ZNF837: variants seen among roughly 807,000 people sequenced by gnomAD.
ZNF837 encodes the protein zinc finger protein 837.
For missense variants in ZNF837, 955 were observed against 801.7 expected (o/e 1.19, Z -2.31); for synonymous variants, 475 against 365.2 (o/e 1.30, Z -3.43).
chr19:58,375,312 A>ATATAT (rs1491369524), intron 1 of ZNF837, among the ~76,000 whole-genome samples: 3 of 38,730 alleles, frequency 7.7e-5, no homozygotes, highest in South Asian at 9.4e-4. Flanking sequence ...ATATATATAT[A>ATATAT]AAATTACATA....
intron 1 of ZNF837, among the ~76,000 whole-genome samples, chr19:58,376,328 G>A (rs1471355866): frequency 2.0e-5 from 3 of 151,892 alleles, no homozygotes; most frequent in Non-Finnish European, 2.9e-5. Flanking sequence ...CGAGGCGGGC[G>A]GATCACGAGG....
At chr19:58,375,929 A>AT (rs1409580611) in intron 1 of ZNF837, among the ~76,000 whole-genome samples, 1 of 149,940 alleles carries the variant, frequency 6.7e-6, no homozygotes, top group Non-Finnish European at 1.5e-5. Context: ...TTATTTATTT[A>AT]TTTTTTTGAC....
rs1016932944 is a variant in ZNF837, at chr19:58,368,673, C to T, written c.660G>A (p.Ala220=). The T allele has an allele frequency of 6.5e-7, 1 of 1,529,936 alleles. No individual in the cohort carries two copies. The highest frequency in any genetic ancestry group is 8.8e-7 in the Non-Finnish European group (1 of 1,142,822). 94.8% of individuals were successfully genotyped at this position (1,529,936 alleles called of 1,614,324 possible). A position where few individuals can be genotyped will look rare whatever the true frequency, so the allele number is the denominator to read the frequency against. ...ALRIPQERLQ[A]TEEPRPCARC... ...GGGCACACGGACGGGGCTCCTCCGT[C>T]GCCTGCAGCCTCTCCTGGGGGATCC... Residue 220 remains alanine (A), a synonymous_variant, in exon 3 of 3, where the codon GCG becomes GCA. Transcript: ENST00000597582.
In ZNF837 at chr19:58,368,321, G is replaced by A. The variant is rs1011059057; in HGVS notation, c.1012C>T (p.Arg338Trp). ...RGPVLARRAF[R>W]LGCPPCGDYS... ...TCCCCGCAGGGCGGGCACCCCAGCC[G>A]GAAGGCGCGCCGCGCCAGGACGGGG... Residue 338 changes from arginine to tryptophan, a missense_variant, in exon 3 of 3, where the codon CGG becomes TGG. Arg to Trp is a moderately radical substitution (Grantham distance 101). Transcript: ENST00000597582. The A allele has an allele frequency of 1.3e-6, 2 of 1,494,056 alleles. No individual in the cohort carries two copies. The highest frequency in any genetic ancestry group is 2.3e-4 in the Middle Eastern group (1 of 4,374). 92.5% of individuals were successfully genotyped at this position (1,494,056 alleles called of 1,614,324 possible). A position where few individuals can be genotyped will look rare whatever the true frequency, so the allele number is the denominator to read the frequency against.
At chr19:58,376,554 C>CAAAAAAAAA (rs59075587) in intron 1 of ZNF837, among the ~76,000 whole-genome samples, 41 of 67,796 alleles carry the variant, frequency 6.0e-4, no homozygotes, top group Admixed American at 1.0e-3. Context: ...GACTCTGTCT[C>CAAAAAAAAA]AAAAAAAAAA....
chr19:58,375,288 AT>A (rs1568568350), intron 1 of ZNF837, among the ~76,000 whole-genome samples: 17 of 66,146 alleles, frequency 2.6e-4, no homozygotes, highest in African/African-American at 7.7e-4. Context: ...ATATATATAT[AT>A]ATATATATAT....
intron 1 of ZNF837, among the ~76,000 whole-genome samples, chr19:58,376,885 G>A (rs1004058034): frequency 6.7e-6 from 1 of 149,708 alleles, no homozygotes; most frequent in South Asian, 2.1e-4. Context: ...TTAGAGACCA[G>A]CCTGGGCAGT....
At chr19:58,380,764 G>T (rs970676988) in intron 1 of ZNF837, among the ~76,000 whole-genome samples, 177 bp downstream of exon 1, 1 of 152,232 alleles carries the variant, frequency 6.6e-6, no homozygotes, top group South Asian at 2.1e-4. Flanking sequence ...AAGGTCGCGA[G>T]TGCTGTGTGG....
At position 58,368,967 on chromosome 19, in the gene ZNF837, C is replaced by T; in HGVS notation, c.366G>A (p.Gly122=). Residue 122 remains glycine (G), a synonymous_variant, in exon 3 of 3, where the codon GGG becomes GGA. Coordinates refer to ENST00000597582, the MANE Select transcript of ZNF837 (RefSeq NM_138466.2). ...CCAGGCAGGAGTTCCTGCTGCAGTCCCCGCCACGCGCTGGGCTCCTACAGG... is the reference window on the plus strand; with the variant it reads ...CCAGGCAGGAGTTCCTGCTGCAGTCTCCGCCACGCGCTGGGCTCCTACAGG... ...EGPCRSPARG[G]DCSRNSCLAW... The T allele has an allele frequency of 1.3e-6, 2 of 1,536,160 alleles. No homozygotes were observed. Among genetic ancestry groups the T allele is most frequent in the Admixed American group, 2.0e-5 (1 of 50,030 alleles).
intron 1 of ZNF837, among the ~76,000 whole-genome samples, chr19:58,374,687 C>T (rs565215483): frequency 2.2e-4 from 33 of 152,114 alleles, no homozygotes; most frequent in African/African-American, 5.8e-4. Flanking sequence ...TTGTAATCCC[C>T]GCACTTTGGG....
At chr19:58,370,157 G>T (rs1026437088) in intron 1 of ZNF837, among the ~76,000 whole-genome samples, 17 of 152,216 alleles carry the variant, frequency 1.1e-4, no homozygotes, top group Non-Finnish European at 2.4e-4. Flanking sequence ...TCTGGAGGTC[G>T]TAAGTCCTAA....
intron 1 of ZNF837, among the ~76,000 whole-genome samples, chr19:58,374,945 TTA>T (rs896052435): frequency 8.8e-6 from 1 of 113,746 alleles, no homozygotes; most frequent in Non-Finnish European, 1.9e-5. Context: ...AAAAAAAAAA[TTA>T]TATATATATA....
rs1448584334 is a variant in ZNF837, at chr19:58,369,892, C to T, written c.-103G>A. 2 of 152,280 alleles carry T rather than the reference C, an allele frequency of 1.3e-5. No individual in the cohort carries two copies. Among genetic ancestry groups the T allele is most frequent in the Non-Finnish European group, 2.9e-5 (2 of 68,090 alleles). The allele number at this position is 152,280 out of a possible 1,614,324, so 9.4% of individuals were successfully genotyped here. On this transcript the variant is annotated 5_prime_UTR_variant, in exon 2 of 3. Transcript: ENST00000597582. ...CTGGACTTCCCCTCCCCTCTTCAAC[C>T]AGGTAACGGTGGTGCTCTCAAGGCT...
Position 58,367,976 on chromosome 19 carries a change from C to A in ZNF837, c.1357G>T (p.Gly453Ter). 1.3e-6 allele frequency: 2 copies of A among 1,532,446 alleles called. No homozygotes were observed. The highest frequency in any genetic ancestry group is 1.4e-5 in the African/African-American group (1 of 72,920). The allele number at this position is 1,532,446 out of a possible 1,614,324, so 94.9% of individuals were successfully genotyped here. The change falls in exon 3 of 3, where the codon GGA becomes TGA. Residue 453 changes from glycine (G) to a stop codon, truncating the protein, a stop_gained. Coordinates refer to ENST00000597582, the MANE Select transcript of ZNF837 (RefSeq NM_138466.2). LOFTEE classifies it low-confidence loss of function (END_TRUNC). ...TCGGAGCAGCCGCGGAAGGTCTTTC[C>A]GCACTCGGAGCAGCCATAGGGCCGC... The part of the protein sequence containing the change: ...GERPYGCSEC[G>*]KTFRGCSELR...
chr19:58,376,281 G>A (rs920900860), intron 1 of ZNF837, among the ~76,000 whole-genome samples: 35 of 151,980 alleles, frequency 2.3e-4, no homozygotes, highest in African/African-American at 7.5e-4. Context: ...GGCCGGGCGC[G>A]GTGGCTCACG....
intron 1 of ZNF837, among the ~76,000 whole-genome samples, chr19:58,380,422 C>T (rs2052280439): frequency 6.6e-6 from 1 of 152,220 alleles, no homozygotes; most frequent in African/African-American, 2.4e-5. Flanking sequence ...GAACAAGAGA[C>T]CGTTTAAGAG....
rs1487654096 is a variant in ZNF837, at chr19:58,367,773, C to G, written c.1560G>C (p.Glu520Asp). The G allele has an allele frequency of 3.9e-6, 6 of 1,535,006 alleles. No individual in the cohort carries two copies. The highest frequency in any genetic ancestry group is 5.2e-6 in the Non-Finnish European group (6 of 1,145,696). ...CGCGGCCCCCGTGCCGCTTCCGGTG[C>G]TCGTTGAGGTTGGAGCGTTGGCTGA... is the stretch of plus-strand genomic sequence containing the variant. ...RAFSQRSNLN[E>D]HRKRHGGRAA... is the part of the protein sequence containing the mutation. The change falls in exon 3 of 3, where the codon GAG (glutamate) becomes GAC (aspartate). Residue 520 changes from glutamate (E) to aspartate (D), a missense_variant. By Grantham distance (45) the Glu-to-Asp change is conservative (BLOSUM62 2). Transcript: ENST00000597582.
chr19:58,375,755 CTT>C (rs75807213), intron 1 of ZNF837, among the ~76,000 whole-genome samples: 13 of 141,052 alleles, frequency 9.2e-5, no homozygotes, highest in Non-Finnish European at 1.1e-4. Flanking sequence ...TGATTTATAT[CTT>C]TTTTTTTTTT....
chr19:58,378,924 A>AC (rs1035128169), intron 1 of ZNF837, among the ~76,000 whole-genome samples: 2 of 151,620 alleles, frequency 1.3e-5, no homozygotes, highest in Non-Finnish European at 2.9e-5. Flanking sequence ...GCAAGGAAAG[A>AC]CCCCCACCCA....
Sources: allele counts gnomAD v4.1 joint callset (sites outside exome capture counted in the v4.1 genomes callset), GRCh38; gene constraint gnomAD v4.1.1; transcripts MANE v1.5; gene names NCBI Gene and HGNC (gene_info 2026-07-23, HGNC 2026-07-21).